The following FHAD1 variants were observed in gnomAD, a reference collection of about 807,000 sequenced individuals.
The protein encoded by FHAD1 is forkhead associated phosphopeptide binding domain 1.
FHAD1 carries 146 observed loss-of-function variants against 191.3 expected under a neutral mutation model. That is an observed-to-expected ratio of 0.76 (90% CI 0.67 to 0.88). The LOEUF (loss-of-function observed/expected upper bound fraction) is 0.88, where lower values mean the gene tolerates loss of function less well. Among genes scored for constraint, FHAD1 ranks in the 40% least tolerant of loss-of-function variants. The probability of loss-of-function intolerance (pLI) is 0.00; values close to 1 mark genes in which losing one functional copy is unlikely to be tolerated. For missense variants in FHAD1, 1,635 were observed against 1,785.8 expected, an observed-to-expected ratio of 0.92 and a Z score of 1.52; for synonymous variants, 616 against 672.3, an observed-to-expected ratio of 0.92 and a Z score of 1.29.
chr1:15,297,409 A>G (rs1487023068), intron 5 of FHAD1, among the ~76,000 whole-genome samples: 2 of 152,222 alleles, frequency 1.3e-5, no homozygotes, highest in Non-Finnish European at 2.9e-5. Flanking sequence ...ACTAAAAGCA[A>G]TGATCCACAA....
At position 15,327,096 on chromosome 1, in the gene FHAD1, A is replaced by G. The variant is rs903870850; in HGVS notation, c.1511A>G (p.Tyr504Cys). 1.3e-6 allele frequency: 2 copies of G among 1,551,050 alleles called. No homozygotes were observed. Among genetic ancestry groups the G allele is most frequent in the Non-Finnish European group, 1.7e-6 (2 of 1,146,818 alleles). The change falls in exon 12 of 34, where the codon TAT (tyrosine) becomes TGT (cysteine). Residue 504 changes from tyrosine to cysteine, a missense_variant. Transcript: ENST00000688493. This position sits in a 1 kb window ranked among gnomAD's most constrained non-coding sequence, Gnocchi z 5.1. ...AGAAGTCAAGTCATCAAGGCCACCT[A>G]TGGACGGGCGAAGCCGTTCCGGGAC... ...HFRSQVIKATYGRAKPFRDKP... is the reference protein window; with the variant it reads ...HFRSQVIKATCGRAKPFRDKP...
rs1672840909 is a variant in FHAD1 at position 15,313,236 on chromosome 1, C to T, written c.1170+49C>T. 5 of 1,473,052 alleles carry T rather than the reference C, an allele frequency of 3.4e-6. No homozygotes were observed. In the East Asian group the frequency reaches 1.4e-4, roughly 42 times the overall value. The allele number at this position is 1,473,052 out of a possible 1,614,324, so 91.2% of individuals were successfully genotyped here. On this transcript the variant is annotated intron_variant, in intron 8 of 33. Transcript: ENST00000688493. ...CTTGTAGCCATCCGGTGAAAAGCAG[C>T]TAAAGTGAAGTCACGTGATATGCTT...
chr1:15,253,412 A>C (rs946487260), intron 2 of FHAD1, among the ~76,000 whole-genome samples: 3 of 152,134 alleles, frequency 2.0e-5, no homozygotes, highest in Non-Finnish European at 2.9e-5. Flanking sequence ...GAAAGAATTT[A>C]TATATTTACT....
rs77501729 is a variant in FHAD1 at position 15,359,361 on chromosome 1, G to C, written c.2736+1078G>C. Among the ~76,000 whole-genome samples, 73 of 152,162 alleles carry C rather than the reference G, an allele frequency of 4.8e-4. No homozygotes were observed. The East Asian group carries it at 0.012, about 24-fold the overall frequency. ...TCGGGCAAAGAATGTATCTGTCATG[G>C]GTAGATCAGAGGCCAAGGCCCAGCA... On this transcript the variant is annotated intron_variant, in intron 21 of 33. Coordinates refer to ENST00000688493, the MANE Select transcript of FHAD1 (RefSeq NM_001391957.1).
chr1:15,384,970 A>G (rs1301092104), intron 31 of FHAD1, among the ~76,000 whole-genome samples: 1 of 150,336 alleles, frequency 6.7e-6, no homozygotes, highest in Non-Finnish European at 1.5e-5. Flanking sequence ...CGGCCCTCCC[A>G]GCCCATCCAC....
At chr1:15,286,994 A>G (rs1662681218) in intron 3 of FHAD1, 1 of 152,310 alleles carries the variant, frequency 6.6e-6, no homozygotes, top group Non-Finnish European at 1.5e-5. Flanking sequence ...TGTCATCTTC[A>G]GCCCATTCAT....
chr1:15,333,908 T>C (rs921910600), intron 14 of FHAD1, among the ~76,000 whole-genome samples: 2 of 145,194 alleles, frequency 1.4e-5, no homozygotes, highest in African/African-American at 5.1e-5. Flanking sequence ...TTTCAGCTCA[T>C]TGCAATCTCC....
At chr1:15,397,020 T>TAAAAAAGAAAAAA (rs1706209332) in intron 33 of FHAD1, among the ~76,000 whole-genome samples, 1 of 115,954 alleles carries the variant, frequency 8.6e-6, no homozygotes, top group African/African-American at 3.3e-5. Context: ...CCGTCTCTAC[T>TAAAAAAGAAAAAA]AAAAAAAAAA....
At chr1:15,279,554 CAAAA>C (rs57662759) in intron 3 of FHAD1, among the ~76,000 whole-genome samples, 1,860 of 96,902 alleles carry the variant, frequency 0.019, 56 homozygotes, top group African/African-American at 0.061. Flanking sequence ...CCTTAAAACT[CAAAA>C]AAAAAAAAAA....
At chr1:15,341,589 C>A in intron 15 of FHAD1, 147 bp from the exon 16 acceptor site, 1 of 537,200 alleles carries the variant, frequency 1.9e-6, no homozygotes, top group South Asian at 4.2e-5. Flanking sequence ...TTCTTAACCA[C>A]AGCATGCTGT....
At chr1:15,285,923 T>C (rs1159982201) in intron 3 of FHAD1, among the ~76,000 whole-genome samples, 2 of 152,208 alleles carry the variant, frequency 1.3e-5, no homozygotes, top group Non-Finnish European at 2.9e-5. Flanking sequence ...CTAAGGACAT[T>C]GTGCTAAGTG....
At chr1:15,337,418 CAGTT>C (rs374118625) in intron 14 of FHAD1, among the ~76,000 whole-genome samples, 265 of 152,332 alleles carry the variant, frequency 1.7e-3, no homozygotes, top group African/African-American at 5.7e-3. Context: ...CTCCCACCCT[CAGTT>C]AGAGGATCAG....
At chr1:15,331,547 T>TGGGG (rs1681521498) in intron 14 of FHAD1, among the ~76,000 whole-genome samples, 1 of 47,548 alleles carries the variant, frequency 2.1e-5, no homozygotes, top group Non-Finnish European at 4.0e-5. Flanking sequence ...TGGATGGAAG[T>TGGGG]GTGGGTGGGT....
chr1:15,265,541 G>T (rs1172662460), intron 2 of FHAD1, among the ~76,000 whole-genome samples: 1 of 152,162 alleles, frequency 6.6e-6, no homozygotes, highest in Non-Finnish European at 1.5e-5. Context: ...GTCCCATTTT[G>T]TGGTATCATC....
chr1:15,370,149 G>A (rs566399135), intron 26 of FHAD1, among the ~76,000 whole-genome samples: 1 of 151,622 alleles, frequency 6.6e-6, no homozygotes, highest in Non-Finnish European at 1.5e-5. Flanking sequence ...ACGAATTTTT[G>A]TATTTTTAGT....
chr1:15,292,509 GT>G (rs1303342777), intron 4 of FHAD1, among the ~76,000 whole-genome samples: 4 of 152,068 alleles, frequency 2.6e-5, no homozygotes, highest in African/African-American at 9.7e-5. Context: ...AATTTTTTGT[GT>G]TTTTAGTAGA....
intron 23 of FHAD1, 131 bp from the exon 24 acceptor site, chr1:15,365,696 C>T: frequency 1.7e-6 from 1 of 601,702 alleles, no homozygotes; most frequent in African/African-American, 1.9e-5. Context: ...TGTCCTCATC[C>T]TTTGCTGGGA....
chr1:15,384,809 C>G (rs1390141049), intron 31 of FHAD1, among the ~76,000 whole-genome samples: 3 of 152,206 alleles, frequency 2.0e-5, no homozygotes, highest in Non-Finnish European at 4.4e-5. Context: ...GTCAGATGCA[C>G]CCCACAGGGC....
At chr1:15,253,700 AG>A (rs1647065785) in intron 2 of FHAD1, among the ~76,000 whole-genome samples, 2 of 152,336 alleles carry the variant, frequency 1.3e-5, no homozygotes, top group Admixed American at 1.3e-4. Context: ...ACTTTCTAGA[AG>A]TTTTTTTGTC....
Sources: gnomAD v4.1 joint callset for allele counts (sites outside exome capture counted in the v4.1 genomes callset) on GRCh38, gnomAD v4.1.1 for gene constraint, Gnocchi (gnomAD v3.1) non-coding constraint, MANE v1.5 for transcripts, NCBI Gene and HGNC (gene_info 2026-07-23, HGNC 2026-07-21) for gene names.